The following CPVL variants were observed in gnomAD, a reference collection of about 807,000 sequenced individuals.
The protein encoded by CPVL is probable serine carboxypeptidase CPVL.
Under a neutral mutation model 63.7 loss-of-function variants are expected in CPVL, and 51 were observed. The observed-to-expected ratio is 0.80, with a 90% CI of 0.64 to 1.01. The LOEUF (loss-of-function observed/expected upper bound fraction) is 1.01. Among genes scored for constraint, CPVL ranks in the 50% least tolerant of loss-of-function variants. CPVL has a pLI of 0.00. For missense variants in CPVL, 530 were observed against 573.1 expected (o/e 0.92, Z 0.77); for synonymous variants, 195 against 206.0 (o/e 0.95, Z 0.46).
chr7:29,137,839 A>G (rs1791410981), intron 1 of CPVL, among the ~76,000 whole-genome samples: 1 of 148,806 alleles, frequency 6.7e-6, no homozygotes, highest in Admixed American at 6.7e-5. Context: ...CAGAGGCAGG[A>G]GAAAAGCATA....
chr7:29,062,188 T>C (rs1326610875), intron 11 of CPVL, among the ~76,000 whole-genome samples: 1 of 152,210 alleles, frequency 6.6e-6, no homozygotes, highest in Non-Finnish European at 1.5e-5. Flanking sequence ...ACAGCACTAA[T>C]CATTCATTCA....
chr7:29,088,367 C>T (rs898892172), intron 6 of CPVL, among the ~76,000 whole-genome samples: 1 of 152,058 alleles, frequency 6.6e-6, no homozygotes, highest in Non-Finnish European at 1.5e-5. Context: ...ACTTCTATCT[C>T]GAAAATGGCA....
chr7:29,106,102 A>G (rs1787691883), intron 3 of CPVL, among the ~76,000 whole-genome samples: 1 of 152,126 alleles, frequency 6.6e-6, no homozygotes, highest in South Asian at 2.1e-4. Context: ...CTGGTCAACC[A>G]TCCTTGGGTA....
At chr7:29,118,520 C>T (rs925591617) in intron 2 of CPVL, among the ~76,000 whole-genome samples, 1 of 152,200 alleles carries the variant, frequency 6.6e-6, no homozygotes, top group East Asian at 1.9e-4. Context: ...TTTTAAAATA[C>T]ACTAAATACA....
At chr7:29,092,550 T>C in intron 6 of CPVL, 73 bp downstream of exon 6, 2 of 1,042,536 alleles carry the variant, frequency 1.9e-6, no homozygotes, top group East Asian at 4.8e-5. Flanking sequence ...ATTCCAACAC[T>C]AGAATAATTT....
intron 12 of CPVL, among the ~76,000 whole-genome samples, chr7:29,021,299 C>T (rs1786947180): frequency 6.6e-6 from 1 of 152,050 alleles, no homozygotes; most frequent in Non-Finnish European, 1.5e-5. Flanking sequence ...TAAGTAATCC[C>T]ATATCTACTT....
intron 12 of CPVL, among the ~76,000 whole-genome samples, chr7:28,997,973 A>G (rs1344667547): frequency 6.6e-6 from 1 of 152,204 alleles, no homozygotes; most frequent in Non-Finnish European, 1.5e-5. Context: ...TTTGTGCCTC[A>G]CTGCAATGAC....
At position 29,072,351 on chromosome 7, in the gene CPVL, T is replaced by A; in HGVS notation, c.682A>T (p.Ile228Phe). The A allele has an allele frequency of 4.3e-6, 7 of 1,614,130 alleles. No homozygotes were observed. The highest frequency in any genetic ancestry group is 5.9e-6 in the Non-Finnish European group (7 of 1,179,990). ...HSLNPVREVK[I>F]NLNGIAIGDG... ...CCAATAGCAATTCCGTTCAGGTTGA[T>A]CTTCACCTCTCTCACAGGGTTGAGG... Residue 228 changes from isoleucine to phenylalanine, a missense_variant, in exon 8 of 13, where the codon ATC (isoleucine) becomes TTC (phenylalanine). Ile to Phe is a conservative substitution (Grantham distance 21). Coordinates refer to ENST00000265394, the MANE Select transcript of CPVL (RefSeq NM_031311.5).
chr7:29,178,902 TTACAAAC>T (rs1016414944), intron 5 of CPVL, among the ~76,000 whole-genome samples: 4 of 152,196 alleles, frequency 2.6e-5, no homozygotes, highest in African/African-American at 9.6e-5. Context: ...TAAAGAGTTA[TTACAAAC>T]TAATAAAAAG....
chr7:29,046,567 GCACACACACA>G (rs10546847), intron 11 of CPVL, among the ~76,000 whole-genome samples: 4 of 149,670 alleles, frequency 2.7e-5, no homozygotes, highest in African/African-American at 9.8e-5. Context: ...GTGCGCGCGT[GCACACACACA>G]CACACACACA....
intron 11 of CPVL, among the ~76,000 whole-genome samples, chr7:29,037,574 A>G (rs1788672541): frequency 1.8e-5 from 2 of 108,338 alleles, no homozygotes; most frequent in African/African-American, 6.6e-5. Flanking sequence ...AAAAAAAAAG[A>G]AAAGAAAAGA....
chr7:29,174,822 C>T (rs1490038000), intron 5 of CPVL, among the ~76,000 whole-genome samples: 2 of 147,890 alleles, frequency 1.4e-5, no homozygotes, highest in South Asian at 2.1e-4. Context: ...ATTGTGCCAT[C>T]GCACTCCAGC....
chr7:29,078,425 AG>A (rs1429479378), intron 7 of CPVL, among the ~76,000 whole-genome samples: 7 of 152,278 alleles, frequency 4.6e-5, no homozygotes, highest in Non-Finnish European at 2.9e-5. Context: ...GCGTGAAGCC[AG>A]GTGACTCAAT....
chr7:29,027,090 A>T (rs1235313668), intron 12 of CPVL, among the ~76,000 whole-genome samples: 1 of 152,150 alleles, frequency 6.6e-6, no homozygotes, highest in Non-Finnish European at 1.5e-5. Context: ...CATCCTCAAC[A>T]AAATACTAGC....
At chr7:29,118,388 T>C (rs971648157) in intron 2 of CPVL, among the ~76,000 whole-genome samples, 25 of 152,246 alleles carry the variant, frequency 1.6e-4, no homozygotes, top group African/African-American at 3.4e-4. Flanking sequence ...AATACGTGCA[T>C]GTAATCCAAT....
At chr7:29,001,880 A>C (rs184431550) in intron 12 of CPVL, among the ~76,000 whole-genome samples, 1 of 152,336 alleles carries the variant, frequency 6.6e-6, no homozygotes, top group East Asian at 1.9e-4. Context: ...TAGGACTTCC[A>C]CTTCTGACTG....
rs1474313929 is a variant in CPVL at position 29,096,063 on chromosome 7, T to C, written c.403+40A>G. The C allele has an allele frequency of 3.3e-6, 5 of 1,494,112 alleles. No homozygotes were observed. The African/African-American group carries it at 6.9e-5, about 21-fold the overall frequency. The allele number at this position is 1,494,112 out of a possible 1,614,324, so 92.6% of individuals were successfully genotyped here. A position where few individuals can be genotyped will look rare whatever the true frequency, so the allele number is the denominator to read the frequency against. On this transcript the variant is annotated intron_variant, in intron 4 of 12. Transcript: ENST00000265394. ...TTTTGGAGCAGGTATGAGGCTCAGA[T>C]GAAAGATTCTATAGGAAATACAGTG...
chr7:29,092,500 T>C, intron 6 of CPVL, 123 bp downstream of exon 6: 3 of 652,512 alleles, frequency 4.6e-6, no homozygotes, highest in Non-Finnish European at 8.1e-6. Context: ...TATCCTTAAA[T>C]TATCTTCAGG....
intron 2 of CPVL, among the ~76,000 whole-genome samples, chr7:29,114,492 A>G (rs1460885725): frequency 6.6e-6 from 1 of 152,068 alleles, no homozygotes; most frequent in Non-Finnish European, 1.5e-5. Context: ...TTAGCTGAGC[A>G]TGGTGGCAGT....
Sources: gnomAD v4.1 joint callset for allele counts (sites outside exome capture counted in the v4.1 genomes callset) on GRCh38, gnomAD v4.1.1 for gene constraint, MANE v1.5 for transcripts, NCBI Gene and HGNC (gene_info 2026-07-23, HGNC 2026-07-21) for gene names.